Variants in UNKL observed in about 807,000 individuals in gnomAD.
The protein encoded by UNKL is putative E3 ubiquitin-protein ligase UNKL.
Under a neutral mutation model 78.0 loss-of-function variants are expected in UNKL, and 60 were observed. That is an observed-to-expected ratio of 0.77 (90% CI 0.63 to 0.95). The LOEUF (loss-of-function observed/expected upper bound fraction) is 0.95, where lower values mean the gene tolerates loss of function less well. Ranked by LOEUF, UNKL falls within the 40% of genes least tolerant of loss-of-function variation. The pLI is 0.00. For synonymous variants in UNKL, 608 were observed against 474.8 expected, an observed-to-expected ratio of 1.28 and a Z score of -3.65; for missense variants, 1,159 against 1,045.7, an observed-to-expected ratio of 1.11 and a Z score of -1.49.
intron 4 of UNKL, chr16:1,401,273 G>T: frequency 3.2e-6 from 1 of 312,900 alleles, no homozygotes; most frequent in Non-Finnish European, 5.8e-6. Context: ...CGCCTCACGA[G>T]TTCCGGTGGG....
At chr16:1,393,606 T>C (rs2037139484) in intron 7 of UNKL, among the ~76,000 whole-genome samples, 1 of 152,216 alleles carries the variant, frequency 6.6e-6, no homozygotes, top group South Asian at 2.1e-4. Flanking sequence ...CCTCATCCCC[T>C]GGACAGCAAA....
Position 1,395,418 on chromosome 16 carries a change from G to A in UNKL, c.853-1203C>T, listed in dbSNP as rs534103147. Among the ~76,000 whole-genome samples the A allele has an allele frequency of 1.3e-3, 191 of 152,122 alleles. 1 individual carries two copies. Among genetic ancestry groups the A allele is most frequent in the African/African-American group, 4.4e-3 (183 of 41,486 alleles). ...TGACCTCAGGTGATCTGCCTGCCTC[G>A]GCCTCCCAAAGTGCTGGGATTACAG... On this transcript the variant is annotated intron_variant, in intron 6 of 14. Transcript: ENST00000389221.
chr16:1,378,287 G>A (rs1165922577), intron 10 of UNKL, among the ~76,000 whole-genome samples: 1 of 152,212 alleles, frequency 6.6e-6, no homozygotes, highest in Admixed American at 6.5e-5. Context: ...GGGGCTTGAT[G>A]ACGGGCAGGG....
intron 9 of UNKL, among the ~76,000 whole-genome samples, chr16:1,386,118 T>TC (rs2036802582): frequency 6.6e-6 from 1 of 152,196 alleles, no homozygotes; most frequent in Non-Finnish European, 1.5e-5. Context: ...TGGATTAGAA[T>TC]GAGTTTCTGG....
rs1485123301 is a variant in UNKL at position 1,367,776 on chromosome 16, G to A, written c.1668C>T (p.Gly556=). The A allele has an allele frequency of 1.3e-6, 2 of 1,572,942 alleles. No homozygotes were observed. The highest frequency in any genetic ancestry group is 1.7e-6 in the Non-Finnish European group (2 of 1,159,646). The change falls in exon 13 of 15, where the codon GGC becomes GGT. Residue 556 remains glycine (G), a synonymous_variant. Transcript: ENST00000389221. ...SPSPSPILSA[G]PPSSSSASPN... ...GACTTGCACTCGAAGAGGATGGGGG[G>A]CCGGCACTCAGGATGGGGGAGGGGC...
At chr16:1,386,743 C>G (rs771842853) in intron 9 of UNKL, among the ~76,000 whole-genome samples, 2 of 152,148 alleles carry the variant, frequency 1.3e-5, no homozygotes, top group African/African-American at 4.8e-5. Flanking sequence ...CCGACAAGAA[C>G]GCGCCTGGCT....
chr16:1,388,720 C>G (rs957906199), intron 9 of UNKL, among the ~76,000 whole-genome samples: 1 of 152,058 alleles, frequency 6.6e-6, no homozygotes, highest in East Asian at 1.9e-4. Flanking sequence ...GGATCCCGCA[C>G]CTTCACTAAC....
chr16:1,366,029 C>T lies in UNKL; in HGVS notation c.*211G>A, dbSNP rs150845055. The T allele has an allele frequency of 3.2e-5, 16 of 496,340 alleles. No homozygotes were observed. The highest frequency in any genetic ancestry group is 3.1e-4 in the Admixed American group (8 of 26,086). The allele number at this position is 496,340 out of a possible 1,614,324, so 30.7% of individuals were successfully genotyped here. On this transcript the variant is annotated 3_prime_UTR_variant, in exon 15 of 15. Transcript: ENST00000389221. Reference sequence around the variant, plus strand: ...TTTGAGGAAAATACCTTGAAACCGTCGGTAGGACTAGATAGGTGACAACGT... The same window carrying T: ...TTTGAGGAAAATACCTTGAAACCGTTGGTAGGACTAGATAGGTGACAACGT...
chr16:1,363,730 G>A lies in UNKL; in HGVS notation c.*2510C>T, dbSNP rs1365154041. 3 of 164,182 alleles carry A rather than the reference G, an allele frequency of 1.8e-5. No homozygotes were observed. Among genetic ancestry groups the A allele is most frequent in the Non-Finnish European group, 4.0e-5 (3 of 75,146 alleles). The allele number at this position is 164,182 out of a possible 1,614,324, so 10.2% of individuals were successfully genotyped here. On this transcript the variant is annotated 3_prime_UTR_variant, in exon 15 of 15. Transcript: ENST00000389221. ...ACCAAGACAGGTGAGGGAGGCCCCAGGGCACACAGCCCCAGGATCTTGCCC... is the reference window on the plus strand; with the variant it reads ...ACCAAGACAGGTGAGGGAGGCCCCAAGGCACACAGCCCCAGGATCTTGCCC...
At chr16:1,398,679 G>GCGGCC in intron 5 of UNKL, 45 of 1,355,846 alleles carry the variant, frequency 3.3e-5, no homozygotes, top group Non-Finnish European at 3.7e-5. Context: ...TGTGGGGTCT[G>GCGGCC]CACCCCCCCA....
At chr16:1,376,854 T>C (rs2036267008) in intron 10 of UNKL, among the ~76,000 whole-genome samples, 1 of 152,176 alleles carries the variant, frequency 6.6e-6, no homozygotes, top group Non-Finnish European at 1.5e-5. Context: ...CGCACAGTAA[T>C]AAAAGTTACC....
chr16:1,408,128 G>A (rs1241548600), intron 2 of UNKL, among the ~76,000 whole-genome samples: 1 of 152,172 alleles, frequency 6.6e-6, no homozygotes, highest in Non-Finnish European at 1.5e-5. Context: ...AAAAAAGATG[G>A]ACCCTGGAGA....
At chr16:1,397,957 C>A (rs2037351631) in intron 5 of UNKL, among the ~76,000 whole-genome samples, 2 of 152,250 alleles carry the variant, frequency 1.3e-5, no homozygotes, top group Admixed American at 1.3e-4. Flanking sequence ...CACGGACACG[C>A]AGGCCCGGCC....
At chr16:1,397,858 G>GT (rs1369374005) in intron 5 of UNKL, among the ~76,000 whole-genome samples, 1 of 152,204 alleles carries the variant, frequency 6.6e-6, no homozygotes, top group African/African-American at 2.4e-5. Context: ...GGAAAACATG[G>GT]TTCCTCGTGT....
At chr16:1,414,150 AC>A in intron 1 of UNKL, 95 bp from the exon 2 acceptor site, 1 of 1,266,310 alleles carries the variant, frequency 7.9e-7, no homozygotes, top group Non-Finnish European at 1.1e-6. Context: ...AGGAGCCTCA[AC>A]CCAGGGTCGA....
intron 9 of UNKL, 27 bp from the exon 10 acceptor site, chr16:1,385,412 C>T (rs2036773095): frequency 3.8e-6 from 5 of 1,316,174 alleles, no homozygotes; most frequent in Admixed American, 4.0e-5. Context: ...ACACCGTGAG[C>T]GCGCACCCCC....
rs570521200 is a variant in UNKL, at chr16:1,385,269, G to T, written c.1203C>A (p.Pro401=). The change falls in exon 10 of 15, where the codon CCC becomes CCA. Residue 401 remains proline, a synonymous_variant. Coordinates refer to ENST00000389221, the MANE Select transcript of UNKL (RefSeq NM_001372107.1). The part of the protein sequence containing the change: ...GSGSSSPTAL[P]APPARALPLG... ...GCGGGAGGGCACGGGCGGGGGGCGC[G>T]GGCAGCGCAGTGGGGGAGGAGCTGC... The T allele has an allele frequency of 7.5e-6, 10 of 1,341,810 alleles. No homozygotes were observed. Among genetic ancestry groups the T allele is most frequent in the Non-Finnish European group, 9.5e-6 (10 of 1,051,292 alleles). The allele number at this position is 1,341,810 out of a possible 1,614,324, so 83.1% of individuals were successfully genotyped here. A position where few individuals can be genotyped will look rare whatever the true frequency, so the allele number is the denominator to read the frequency against.
At chr16:1,383,616 G>T (rs528470063) in intron 10 of UNKL, 7 of 390,184 alleles carry the variant, frequency 1.8e-5, no homozygotes, top group Non-Finnish European at 3.2e-5. Context: ...CTCCTTGGCC[G>T]GCATCGTCTA....
chr16:1,370,347 C>A lies in UNKL; in HGVS notation c.1368G>T (p.Ser456=), dbSNP rs983299712. The A allele has an allele frequency of 2.6e-6, 4 of 1,532,342 alleles. No homozygotes were observed. Among genetic ancestry groups the A allele is most frequent in the Non-Finnish European group, 3.5e-6 (4 of 1,145,814 alleles). The allele number at this position is 1,532,342 out of a possible 1,614,324, so 94.9% of individuals were successfully genotyped here. Residue 456 remains serine, a synonymous_variant, in exon 12 of 15, where the codon TCG becomes TCT. Transcript: ENST00000389221. The part of the protein sequence containing the change: ...GHDLGAAGPR[S]LAGSAPVAIP... ...TGGCGACAGGTGCAGAGCCGGCCAG[C>A]GACCTGGGACCTGGCGGGGGCGGAC...
Sources: allele counts gnomAD v4.1 joint callset (sites outside exome capture counted in the v4.1 genomes callset), GRCh38; gene constraint gnomAD v4.1.1; transcripts MANE v1.5; gene names NCBI Gene and HGNC (gene_info 2026-07-23, HGNC 2026-07-21).